NFKB2: variants seen among roughly 807,000 people sequenced by gnomAD.
NFKB2 encodes the protein nuclear factor kappa B subunit 2, also known as nuclear factor NF-kappa-B p100 subunit.
In NFKB2, 21 loss-of-function variants were observed where a neutral mutation model predicts 109.3. That is an observed-to-expected ratio of 0.19 (90% CI 0.14 to 0.28). NFKB2 has a LOEUF of 0.28. Among genes scored for constraint, NFKB2 ranks in the 10% least tolerant of loss-of-function variants. The pLI is 1.00. For missense variants in NFKB2, 806 were observed against 1,185.3 expected (o/e 0.68, Z 4.70); for synonymous variants, 478 against 489.9 (o/e 0.98, Z 0.32).
At position 102,396,404 on chromosome 10, in the gene NFKB2, G is replaced by A; in HGVS notation, c.104-45G>A. 6.2e-7 allele frequency: 1 copy of A among 1,614,134 alleles called. No individual in the cohort carries two copies. Among genetic ancestry groups the A allele is most frequent in the Non-Finnish European group, 8.5e-7 (1 of 1,179,994 alleles). ...GAGAGCATGTGCCCTCTCTCTGGGG[G>A]AGGGGCTGGGAGATCGTGGCTCAGC... On this transcript the variant is annotated intron_variant, in intron 3 of 22. Coordinates refer to ENST00000661543, the MANE Select transcript of NFKB2 (RefSeq NM_001322934.2). The surrounding 1 kb of genome is among the most constrained non-coding windows in gnomAD (Gnocchi z 5.9).
rs746665544 is a variant in NFKB2 at position 102,397,439 on chromosome 10, G to A, written c.502+31G>A. The A allele has an allele frequency of 1.1e-5, 17 of 1,567,452 alleles. No individual in the cohort carries two copies. In the Admixed American group the frequency reaches 2.2e-4, roughly 20 times the overall value. On this transcript the variant is annotated intron_variant, in intron 7 of 22. Coordinates refer to ENST00000661543, the MANE Select transcript of NFKB2 (RefSeq NM_001322934.2). This position sits in a 1 kb window ranked among gnomAD's most constrained non-coding sequence, Gnocchi z 4.7. ...GGTGCAGGGGGTGGGTCGGGTATGG[G>A]TGCAGGGGGTGGGTGGGTCATGGGA...
rs1293584084 is a variant in NFKB2 at position 102,399,359 on chromosome 10, T to C, written c.1189T>C (p.Cys397Arg). 2 of 1,562,454 alleles carry C rather than the reference T, an allele frequency of 1.3e-6. No homozygotes were observed. Among genetic ancestry groups the C allele is most frequent in the Non-Finnish European group, 1.7e-6 (2 of 1,156,060 alleles). ...CCAGTCCGGCGCGGGCCCCATGGGCTGCTACCCGGGAGGCGGGGGCGGGGC... is the reference window on the plus strand; with the variant it reads ...CCAGTCCGGCGCGGGCCCCATGGGCCGCTACCCGGGAGGCGGGGGCGGGGC... ...PYQSGAGPMG[C>R]YPGGGGGAQM... Residue 397 changes from cysteine (C) to arginine (R), a missense_variant, in exon 13 of 23, where the codon TGC (cysteine) becomes CGC (arginine). Cys to Arg is a radical substitution (Grantham distance 180). This residue lies in a region of NFKB2 where 209 missense variants were observed against 211.9 expected (regional missense o/e 0.99). Coordinates refer to ENST00000661543, the MANE Select transcript of NFKB2 (RefSeq NM_001322934.2).
In NFKB2 at chr10:102,398,241, G is replaced by A; in HGVS notation, c.796G>A (p.Asp266Asn). 1.2e-6 allele frequency: 2 copies of A among 1,614,170 alleles called. No individual in the cohort carries two copies. The highest frequency in any genetic ancestry group is 1.7e-6 in the Non-Finnish European group (2 of 1,180,034). ...DDIEVRFYEDDENGWQAFGDF... is the reference protein window; with the variant it reads ...DDIEVRFYEDNENGWQAFGDF... ...CATTGAGGTTCGGTTCTATGAGGAT[G>A]ATGAGAATGGATGGCAGGCCTTTGG... Residue 266 changes from aspartate to asparagine, a missense_variant, in exon 10 of 23, where the codon GAT becomes AAT. Coordinates refer to ENST00000661543, the MANE Select transcript of NFKB2 (RefSeq NM_001322934.2). The surrounding 1 kb of genome is among the most constrained non-coding windows in gnomAD (Gnocchi z 6.6).
Position 102,398,471 on chromosome 10 carries a change from A to T in NFKB2, c.939A>T (p.Arg313=). 1 of 1,614,138 alleles carries T rather than the reference A, an allele frequency of 6.2e-7. No homozygotes were observed. ...TGTTTCTGCAACTGAAACGCAAGCG[A>T]GGAGGGGACGTGTCTGATTCCAAAC... ...VTVFLQLKRK[R]GGDVSDSKQF... Residue 313 remains arginine, a synonymous_variant, in exon 11 of 23, where the codon CGA becomes CGT. Transcript: ENST00000661543. The surrounding 1 kb of genome is among the most constrained non-coding windows in gnomAD (Gnocchi z 6.6).
upstream of NFKB2, among the ~76,000 whole-genome samples, chr10:102,395,069 G>A (rs2061076722): frequency 6.9e-6 from 1 of 145,780 alleles, no homozygotes. Context: ...CACACTTGTG[G>A]AGCTGTGATG....
rs1401571962 is a variant in NFKB2 at position 102,402,057 on chromosome 10, G to A, written c.2476G>A (p.Gly826Arg). Residue 826 changes from glycine to arginine, a missense_variant, in exon 22 of 23, where the codon GGG (glycine) becomes AGG (arginine). Around this residue, in one of 10 missense-constraint regions of NFKB2, gnomAD observed 211 missense variants for 268.7 expected, o/e 0.79. Transcript: ENST00000661543. ...TCCTCTGTCTTCTCAGCTGGCTGGC[G>A]GGGACCTGGCAGGTCTACTGGAGGC... ...SLLRSYELAGGDLAGLLEALS... is the reference protein window; with the variant it reads ...SLLRSYELAGRDLAGLLEALS... 3.2e-6 allele frequency: 5 copies of A among 1,570,794 alleles called. No individual in the cohort carries two copies. Among genetic ancestry groups the A allele is most frequent in the Non-Finnish European group, 4.3e-6 (5 of 1,157,362 alleles).
Position 102,396,410 on chromosome 10 carries a change from C to T in NFKB2, c.104-39C>T, listed in dbSNP as rs370968531. The T allele has an allele frequency of 6.2e-7, 1 of 1,614,104 alleles. No homozygotes were observed. The highest frequency in any genetic ancestry group is 1.3e-5 in the African/African-American group (1 of 75,026). ...ATGTGCCCTCTCTCTGGGGGAGGGG[C>T]TGGGAGATCGTGGCTCAGCAAGGTC... On this transcript the variant is annotated intron_variant, in intron 3 of 22. Coordinates refer to ENST00000661543, the MANE Select transcript of NFKB2 (RefSeq NM_001322934.2). The surrounding 1 kb of genome is among the most constrained non-coding windows in gnomAD (Gnocchi z 5.9).
At chr10:102,402,221 C>T in intron 22 of NFKB2, 31 bp from the exon 23 acceptor site, 1 of 1,551,338 alleles carries the variant, frequency 6.4e-7, no homozygotes, top group Non-Finnish European at 8.7e-7. Flanking sequence ...GAGGCTTTGA[C>T]TATCCCATTC....
Position 102,398,012 on chromosome 10 carries a change from T to C in NFKB2, c.693T>C (p.Ser231=). 3.1e-6 allele frequency: 5 copies of C among 1,614,146 alleles called. No homozygotes were observed. The South Asian group carries it at 4.4e-5, about 14-fold the overall frequency. ...KSPGASNLKI[S]RMDKTAGSVR... ...CGGGGGCATCAAACCTGAAGATTTC[T>C]CGAATGGACAAGACAGCAGGCTCTG... Residue 231 remains serine (S), a synonymous_variant, in exon 9 of 23, where the codon TCT becomes TCC. Transcript: ENST00000661543. The surrounding 1 kb of genome is among the most constrained non-coding windows in gnomAD (Gnocchi z 6.6).
At position 102,397,152 on chromosome 10, in the gene NFKB2, A is replaced by G; in HGVS notation, c.395+97A>G. The G allele has an allele frequency of 6.4e-7, 1 of 1,561,442 alleles. No individual in the cohort carries two copies. The stretch of plus-strand genomic sequence containing the variant: ...GAGCTTAGCATCTGACCAAGGGGAA[A>G]GATGTAGGTTGGCCCCAAACCCAAG... On this transcript the variant is annotated intron_variant, in intron 6 of 22. Coordinates refer to ENST00000661543, the MANE Select transcript of NFKB2 (RefSeq NM_001322934.2). The surrounding 1 kb of genome is among the most constrained non-coding windows in gnomAD (Gnocchi z 4.7).
rs1375406853 is a variant in NFKB2 at position 102,396,222 on chromosome 10, G to A, written c.22-31G>A. The A allele has an allele frequency of 2.5e-6, 4 of 1,589,582 alleles. No homozygotes were observed. The highest frequency in any genetic ancestry group is 1.1e-5 in the South Asian group (1 of 89,796). On this transcript the variant is annotated intron_variant, in intron 2 of 22. Coordinates refer to ENST00000661543, the MANE Select transcript of NFKB2 (RefSeq NM_001322934.2). The surrounding 1 kb of genome is among the most constrained non-coding windows in gnomAD (Gnocchi z 5.9). ...GGGGCTGTGGGGGGTGCTGAGAGTC[G>A]GATGCCACCCCCAGTCTGTCTCCAA...
At position 102,399,480 on chromosome 10, in the gene NFKB2, C is replaced by T. The variant is rs2061183432; in HGVS notation, c.1310C>T (p.Pro437Leu). The T allele has an allele frequency of 3.3e-6, 5 of 1,496,920 alleles. No homozygotes were observed. Among genetic ancestry groups the T allele is most frequent in the Non-Finnish European group, 4.5e-6 (5 of 1,121,646 alleles). The allele number at this position is 1,496,920 out of a possible 1,614,324, so 92.7% of individuals were successfully genotyped here. ...ACCCCCCAGTGCGAGCCGCAGGCCC[C>T]GGAGATGCTGCAGCGAGGTATGGAC... ...SRTPQCEPQA[P>L]EMLQRAREYN... Residue 437 changes from proline to leucine, a missense_variant, in exon 13 of 23, where the codon CCG becomes CTG. Pro to Leu is a moderately conservative substitution (Grantham distance 98). Transcript: ENST00000661543.
In NFKB2 at chr10:102,398,556, C is replaced by CG. The variant is rs757908861; in HGVS notation, c.991+39dup. 57 of 1,609,748 alleles carry CG rather than the reference C, an allele frequency of 3.5e-5. No homozygotes were observed. Among genetic ancestry groups the CG allele is most frequent in the Non-Finnish European group, 4.4e-5 (52 of 1,177,310 alleles). On this transcript the variant is annotated intron_variant, in intron 11 of 22. Coordinates refer to ENST00000661543, the MANE Select transcript of NFKB2 (RefSeq NM_001322934.2). The surrounding 1 kb of genome is among the most constrained non-coding windows in gnomAD (Gnocchi z 6.6). Reference sequence around the variant, plus strand: ...TGGGCTGAGGACCTCAGGGTGCTGGCGGGGGGCCAGGCTGGGCTAGAAGAA... The same window carrying CG: ...TGGGCTGAGGACCTCAGGGTGCTGGCGGGGGGGCCAGGCTGGGCTAGAAGAA...
chr10:102,400,065 C>A lies in NFKB2; in HGVS notation c.1470-15C>A, dbSNP rs758172818. 3.1e-6 allele frequency: 5 copies of A among 1,612,378 alleles called. No homozygotes were observed. The highest frequency in any genetic ancestry group is 4.2e-6 in the Non-Finnish European group (5 of 1,178,712). On this transcript the variant is annotated splice_polypyrimidine_tract_variant and intron_variant, in intron 14 of 22. Coordinates refer to ENST00000661543, the MANE Select transcript of NFKB2 (RefSeq NM_001322934.2). This position sits in a 1 kb window ranked among gnomAD's most constrained non-coding sequence, Gnocchi z 6.3. ...TCTGAGTGGCTGGGCCAGACTCTCG[C>A]TCCCCAACCCCCAGACCACTGCACC...
chr10:102,398,227 G>A lies in NFKB2; in HGVS notation c.782G>A (p.Arg261Gln), dbSNP rs1482075423. Residue 261 changes from arginine (R) to glutamine (Q), a missense_variant, in exon 10 of 23, where the codon CGG becomes CAG. Coordinates refer to ENST00000661543, the MANE Select transcript of NFKB2 (RefSeq NM_001322934.2). The surrounding 1 kb of genome is among the most constrained non-coding windows in gnomAD (Gnocchi z 6.6). Reference sequence around the variant, plus strand: ...TTCCTTGTAGATGACATTGAGGTTCGGTTCTATGAGGATGATGAGAATGGA... The same window carrying A: ...TTCCTTGTAGATGACATTGAGGTTCAGTTCTATGAGGATGATGAGAATGGA... ...DKVQKDDIEV[R>Q]FYEDDENGWQ... 2 of 1,614,104 alleles carry A rather than the reference G, an allele frequency of 1.2e-6. No individual in the cohort carries two copies.
chr10:102,397,907 T>A lies in NFKB2; in HGVS notation c.662-74T>A, dbSNP rs1199177737. 1 of 1,495,834 alleles carries A rather than the reference T, an allele frequency of 6.7e-7. No homozygotes were observed. Among genetic ancestry groups the A allele is most frequent in the East Asian group, 2.3e-5 (1 of 44,100 alleles). 92.7% of individuals were successfully genotyped at this position (1,495,834 alleles called of 1,614,324 possible). A position where few individuals can be genotyped will look rare whatever the true frequency, so the allele number is the denominator to read the frequency against. On this transcript the variant is annotated intron_variant, in intron 8 of 22. Transcript: ENST00000661543. This position sits in a 1 kb window ranked among gnomAD's most constrained non-coding sequence, Gnocchi z 4.7. Reference sequence around the variant, plus strand: ...CTCCAGGGGTTGCTGAGATAAGGAATACAAAGCCCCCAGCTTCTTAAATGT... The same window carrying A: ...CTCCAGGGGTTGCTGAGATAAGGAAAACAAAGCCCCCAGCTTCTTAAATGT...
Position 102,396,547 on chromosome 10 carries a change from G to C in NFKB2, c.144+58G>C, listed in dbSNP as rs1323659221. The C allele has an allele frequency of 1.2e-6, 2 of 1,611,606 alleles. No homozygotes were observed. Among genetic ancestry groups the C allele is most frequent in the Admixed American group, 3.3e-5 (2 of 59,880 alleles). On this transcript the variant is annotated intron_variant, in intron 4 of 22. Transcript: ENST00000661543. This position sits in a 1 kb window ranked among gnomAD's most constrained non-coding sequence, Gnocchi z 5.9. ...TTCAGCTTTGGGGACAAATGGGGTA[G>C]TGGTAGCTGGCTGGCCATGGAGGAG...
Position 102,402,060 on chromosome 10 carries a change from G to T in NFKB2, c.2479G>T (p.Asp827Tyr). ...LLRSYELAGG[D>Y]LAGLLEALSD... ...TCTGTCTTCTCAGCTGGCTGGCGGG[G>T]ACCTGGCAGGTCTACTGGAGGCCCT... is the stretch of plus-strand genomic sequence containing the variant. The change falls in exon 22 of 23, where the codon GAC (aspartate) becomes TAC (tyrosine). Residue 827 changes from aspartate to tyrosine, a missense_variant. By Grantham distance (160) the Asp-to-Tyr change is radical (BLOSUM62 -3). Transcript: ENST00000661543. The T allele has an allele frequency of 6.4e-7, 1 of 1,570,544 alleles. No individual in the cohort carries two copies. Among genetic ancestry groups the T allele is most frequent in the Non-Finnish European group, 8.6e-7 (1 of 1,157,298 alleles).
In NFKB2 at chr10:102,398,781, C is replaced by T. The variant is rs1306758024; in HGVS notation, c.1034C>T (p.Thr345Ile). The T allele has an allele frequency of 6.2e-7, 1 of 1,612,436 alleles. No individual in the cohort carries two copies. Among genetic ancestry groups the T allele is most frequent in the East Asian group, 2.2e-5 (1 of 44,882 alleles). ...VQRKRRKALP[T>I]FSQPFGGGSH... is the part of the protein sequence containing the mutation. ...CGGAAGCGGAGGAAGGCCTTGCCCA[C>T]CTTCTCCCAGCCCTTCGGGGGTGGC... The change falls in exon 12 of 23, where the codon ACC becomes ATC. Residue 345 changes from threonine to isoleucine, a missense_variant. By Grantham distance (89) the Thr-to-Ile change is moderately conservative. Around this residue, in one of 10 missense-constraint regions of NFKB2, gnomAD observed 209 missense variants for 211.9 expected, o/e 0.99. Coordinates refer to ENST00000661543, the MANE Select transcript of NFKB2 (RefSeq NM_001322934.2). This position sits in a 1 kb window ranked among gnomAD's most constrained non-coding sequence, Gnocchi z 6.6.
Sources: allele counts gnomAD v4.1 joint callset (sites outside exome capture counted in the v4.1 genomes callset), GRCh38; gene constraint gnomAD v4.1.1; regional missense constraint gnomAD v4.1.1; non-coding constraint Gnocchi (gnomAD v3.1); transcripts MANE v1.5; gene names NCBI Gene and HGNC (gene_info 2026-07-23, HGNC 2026-07-21).